Variants in MDGA2 observed in about 807,000 individuals in gnomAD.
The protein encoded by MDGA2 is MAM domain-containing glycosylphosphatidylinositol anchor protein 2.
A neutral mutation model predicts 117.8 loss-of-function variants in MDGA2; 40 were observed. That is an observed-to-expected ratio of 0.34 (90% CI 0.26 to 0.44). The LOEUF is 0.44. Among genes scored for constraint, MDGA2 ranks in the 20% least tolerant of loss-of-function variants. The pLI is 1.00. For synonymous variants in MDGA2, 452 were observed against 439.0 expected (o/e 1.03, Z -0.37); for missense variants, 1,123 against 1,250.6 (o/e 0.90, Z 1.54).
At chr14:47,408,918 G>A (rs906973064) in intron 1 of MDGA2, among the ~76,000 whole-genome samples, 2 of 152,064 alleles carry the variant, frequency 1.3e-5, no homozygotes, top group Non-Finnish European at 2.9e-5. Flanking sequence ...TGTTAGCCAG[G>A]TGGACACATG....
At chr14:47,073,048 A>G (rs186330243) in intron 6 of MDGA2, among the ~76,000 whole-genome samples, 67 of 152,300 alleles carry the variant, frequency 4.4e-4, no homozygotes, top group African/African-American at 1.5e-3. Context: ...AGTTTCACAA[A>G]AACACTTATT....
chr14:46,962,649 T>C (rs941885182), intron 8 of MDGA2, among the ~76,000 whole-genome samples: 50 of 152,072 alleles, frequency 3.3e-4, no homozygotes, highest in African/African-American at 1.2e-3. Context: ...TTTAGTTGTT[T>C]ACATTGGAGA....
intron 10 of MDGA2, among the ~76,000 whole-genome samples, chr14:46,898,841 T>C (rs1053063489): frequency 3.3e-5 from 5 of 152,056 alleles, no homozygotes; most frequent in East Asian, 1.9e-4. Context: ...TTTAATCATA[T>C]AGATGGCATC....
chr14:47,561,417 G>T (rs1418369320), intron 1 of MDGA2, among the ~76,000 whole-genome samples: 1 of 151,766 alleles, frequency 6.6e-6, no homozygotes, highest in African/African-American at 2.4e-5. Flanking sequence ...GCAGTGTTTT[G>T]TAATTGTCAT....
intron 1 of MDGA2, among the ~76,000 whole-genome samples, chr14:47,315,744 T>A (rs1889788494): frequency 6.6e-6 from 1 of 152,108 alleles, no homozygotes; most frequent in Admixed American, 6.6e-5. Context: ...TGGCCCACTG[T>A]CCTAAGGATT....
intron 8 of MDGA2, among the ~76,000 whole-genome samples, chr14:46,971,662 AG>A (rs1355775966): frequency 4.6e-5 from 7 of 152,070 alleles, no homozygotes; most frequent in Non-Finnish European, 7.4e-5. Context: ...GAGAGAGTAT[AG>A]TTAGCAACAA....
chr14:47,556,807 TC>T (rs1472974578), intron 1 of MDGA2, among the ~76,000 whole-genome samples: 8 of 152,244 alleles, frequency 5.3e-5, no homozygotes, highest in Non-Finnish European at 1.2e-4. Flanking sequence ...TTGGTACAGT[TC>T]CTCGCTCCTT....
In MDGA2 at chr14:47,101,110, TAGATAGATAGATAGAC is replaced by T. The variant is rs1232909576; in HGVS notation, c.926-4003_926-3988del. 8.7e-3 allele frequency among the ~76,000 whole-genome samples: 1,178 copies of T among 135,036 alleles called. 11 individuals are homozygous for T. The highest frequency in any genetic ancestry group is 0.025 in the East Asian group (114 of 4,544). The allele number at this position is 135,036 out of a possible 152,430, so 88.6% of individuals were successfully genotyped here. On this transcript the variant is annotated intron_variant, in intron 5 of 16. Coordinates refer to ENST00000399232, the MANE Select transcript of MDGA2 (RefSeq NM_001113498.3). ...ATAGATAGATAGATAGATAGATAGA[TAGATAGATAGATAGAC>T]AGATAGATAGAAAGAAATTGGTCCT...
At chr14:47,326,919 T>C (rs1425387866) in intron 1 of MDGA2, among the ~76,000 whole-genome samples, 1 of 152,162 alleles carries the variant, frequency 6.6e-6, no homozygotes, top group Non-Finnish European at 1.5e-5. Context: ...GGGAATCAGA[T>C]AGCACACTCA....
rs1012015942 is a variant in MDGA2, at chr14:46,905,367, A to AT, written c.2238+14644dup. Reference sequence around the variant, plus strand: ...AGCACAAATAAAACAATTTCTTTCTATTTTTTTTTCACTTGGCAAGTGTAT... The same window carrying AT: ...AGCACAAATAAAACAATTTCTTTCTATTTTTTTTTTCACTTGGCAAGTGTAT... On this transcript the variant is annotated intron_variant, in intron 10 of 16. Coordinates refer to ENST00000399232, the MANE Select transcript of MDGA2 (RefSeq NM_001113498.3). 9.3e-5 allele frequency among the ~76,000 whole-genome samples: 14 copies of AT among 150,400 alleles called. 2 individuals carry two copies. The South Asian group carries it at 2.1e-3, about 23-fold the overall frequency.
At chr14:47,099,479 G>T (rs114057037) in intron 5 of MDGA2, among the ~76,000 whole-genome samples, 2,836 of 151,992 alleles carry the variant, frequency 0.019, 91 homozygotes, top group African/African-American at 0.065. Context: ...TATACAAAGA[G>T]TAACATAAAA....
chr14:47,315,888 T>C lies in MDGA2; in HGVS notation c.281-14338A>G, dbSNP rs187528931. ...AATAATAATTTTCTGCCACAAGTTT[T>C]TTTTTTTCACATCTGCCTAATGGTA... is the stretch of plus-strand genomic sequence containing the variant. On this transcript the variant is annotated intron_variant, in intron 1 of 16. Transcript: ENST00000399232. Among the ~76,000 whole-genome samples, 288 of 151,858 alleles carry C rather than the reference T, an allele frequency of 1.9e-3. 1 individual carries two copies. The highest frequency in any genetic ancestry group is 4.9e-3 in the Admixed American group (75 of 15,238).
intron 8 of MDGA2, among the ~76,000 whole-genome samples, chr14:47,021,637 TAGG>T (rs931249301): frequency 7.9e-5 from 12 of 152,178 alleles, no homozygotes; most frequent in African/African-American, 2.2e-4. Context: ...ATGCAGTTTC[TAGG>T]AGATTTCTGA....
In MDGA2 at chr14:46,963,321, G is replaced by A. The variant is rs1261884365; in HGVS notation, c.1820-5678C>T. On this transcript the variant is annotated intron_variant, in intron 8 of 16. Transcript: ENST00000399232. ...TGCAGTATACCTGTAATAGGTCAAT[G>A]TACTTCTTTTGTTCTCTCATTCTTC... 1.3e-5 allele frequency among the ~76,000 whole-genome samples: 2 copies of A among 152,182 alleles called. 1 individual carries two copies. The highest frequency in any genetic ancestry group is 1.3e-4 in the Admixed American group (2 of 15,282).
chr14:47,621,353 TA>T lies in MDGA2; in HGVS notation c.280+53163del, dbSNP rs546773564. 5.7e-4 allele frequency among the ~76,000 whole-genome samples: 86 copies of T among 151,968 alleles called. 1 individual carries two copies. Among genetic ancestry groups the T allele is most frequent in the African/African-American group, 1.8e-3 (75 of 41,424 alleles). On this transcript the variant is annotated intron_variant, in intron 1 of 16. Transcript: ENST00000399232. The stretch of plus-strand genomic sequence containing the variant: ...TCCCTCATCTTTTTTTACTGTTTCT[TA>T]AAAAAAAATTTTTTTTTTAGAGACA...
At chr14:47,588,531 C>T (rs1896375995) in intron 1 of MDGA2, among the ~76,000 whole-genome samples, 2 of 151,618 alleles carry the variant, frequency 1.3e-5, no homozygotes, top group African/African-American at 2.4e-5. Flanking sequence ...GTGTATCTTC[C>T]TTGAAGAAGA....
At chr14:47,211,025 T>C (rs764905002) in intron 3 of MDGA2, among the ~76,000 whole-genome samples, 4 of 152,176 alleles carry the variant, frequency 2.6e-5, no homozygotes, top group Non-Finnish European at 4.4e-5. Flanking sequence ...AATTTATTTA[T>C]TTTGCATCTT....
At chr14:47,469,351 G>A (rs930269470) in intron 1 of MDGA2, among the ~76,000 whole-genome samples, 1 of 152,024 alleles carries the variant, frequency 6.6e-6, no homozygotes, top group African/African-American at 2.4e-5. Context: ...TCCCCTTCCT[G>A]TGACCATGTG....
chr14:46,909,248 T>A (rs1488350773), intron 10 of MDGA2, among the ~76,000 whole-genome samples: 2 of 152,220 alleles, frequency 1.3e-5, no homozygotes, highest in Non-Finnish European at 2.9e-5. Flanking sequence ...TTTGAGGTTA[T>A]ATTTTTAGAA....
Sources: allele counts gnomAD v4.1 joint callset (sites outside exome capture counted in the v4.1 genomes callset), GRCh38; gene constraint gnomAD v4.1.1; transcripts MANE v1.5; gene names NCBI Gene and HGNC (gene_info 2026-07-23, HGNC 2026-07-21).